The following USP54 variants were observed in gnomAD, a reference collection of about 807,000 sequenced individuals.
USP54 encodes ubiquitin carboxyl-terminal hydrolase 54.
In USP54, 87 loss-of-function variants were observed where a neutral mutation model predicts 170.5. The ratio of observed to expected loss-of-function variants is 0.51; its 90% confidence interval spans 0.43 to 0.61. The LOEUF (loss-of-function observed/expected upper bound fraction) is 0.61, where lower values mean the gene tolerates loss of function less well. USP54 is among the 20% of genes least tolerant of loss of function. USP54 has a pLI of 0.00. For synonymous variants in USP54, 655 were observed against 742.8 expected (o/e 0.88, Z 1.92); for missense variants, 1,786 against 2,047.8 (o/e 0.87, Z 2.47).
At chr10:73,599,927 G>C (rs2079036208) in intron 1 of USP54, among the ~76,000 whole-genome samples, 1 of 138,638 alleles carries the variant, frequency 7.2e-6, no homozygotes, top group African/African-American at 2.7e-5. Context: ...TTGAGATAGA[G>C]TTTCGCTCTT....
rs1348579083 is a variant in USP54, at chr10:73,536,257, C to T, written c.1144+12G>A. The T allele has an allele frequency of 6.2e-7, 1 of 1,613,712 alleles. No individual in the cohort carries two copies. Among genetic ancestry groups the T allele is most frequent in the Admixed American group, 1.7e-5 (1 of 59,908 alleles). ...TGAGGAGAGAGGAGAGGTAAAGAGCCTGGCTGCTCACCTGAATCTTCACTG... is the reference window on the plus strand; with the variant it reads ...TGAGGAGAGAGGAGAGGTAAAGAGCTTGGCTGCTCACCTGAATCTTCACTG... On this transcript the variant is annotated intron_variant, in intron 11 of 23. Coordinates refer to ENST00000687698, the MANE Select transcript of USP54 (RefSeq NM_001391956.1).
intron 1 of USP54, among the ~76,000 whole-genome samples, chr10:73,602,410 G>A (rs1220613324): frequency 4.0e-5 from 6 of 151,830 alleles, no homozygotes; most frequent in Non-Finnish European, 7.4e-5. Flanking sequence ...AAAATTAGCC[G>A]GGCGTGGTGG....
chr10:73,604,780 C>T (rs1286355528), intron 1 of USP54, among the ~76,000 whole-genome samples: 2 of 151,980 alleles, frequency 1.3e-5, no homozygotes, highest in African/African-American at 2.4e-5. Flanking sequence ...ACTTCAAGAA[C>T]GAAGCCGCAG....
intron 1 of USP54, among the ~76,000 whole-genome samples, chr10:73,600,744 T>A (rs571141595): frequency 1.3e-4 from 20 of 152,076 alleles, no homozygotes; most frequent in Non-Finnish European, 1.9e-4. Context: ...TGAAACCCCA[T>A]CTCTACCAAA....
At chr10:73,573,027 T>C (rs933169456) in intron 3 of USP54, among the ~76,000 whole-genome samples, 1 of 152,194 alleles carries the variant, frequency 6.6e-6, no homozygotes, top group African/African-American at 2.4e-5. Flanking sequence ...CTTATGCCTA[T>C]AATCCCAGCA....
chr10:73,539,719 AT>A lies in USP54; in HGVS notation c.826-127del. The A allele has an allele frequency of 2.7e-6, 3 of 1,098,168 alleles. No homozygotes were observed. In the South Asian group the frequency reaches 7.2e-5, roughly 26 times the overall value. 68.0% of individuals were successfully genotyped at this position (1,098,168 alleles called of 1,614,324 possible). ...TTGCTTCTCTTCCCTTCAGTTTAAG[AT>A]TTTTGTTAGTTTAGATTAATCATCA... is the stretch of plus-strand genomic sequence containing the variant. On this transcript the variant is annotated intron_variant, in intron 9 of 23. Coordinates refer to ENST00000687698, the MANE Select transcript of USP54 (RefSeq NM_001391956.1).
chr10:73,619,360 T>A (rs1488522057), intron 1 of USP54, among the ~76,000 whole-genome samples: 4 of 149,900 alleles, frequency 2.7e-5, no homozygotes, highest in Non-Finnish European at 4.4e-5. Flanking sequence ...CCTACGTAGC[T>A]GGGGTTACAG....
rs938873058 is a variant in USP54, at chr10:73,517,194, C to T, written c.3232G>A (p.Val1078Ile). The change falls in exon 20 of 24, where the codon GTT becomes ATT. Residue 1078 changes from valine (V) to isoleucine (I), a missense_variant. By Grantham distance (29) the Val-to-Ile change is conservative. Around this residue, in one of 3 missense-constraint regions of USP54, gnomAD observed 1,418 missense variants for 1,569.0 expected, o/e 0.90. Coordinates refer to ENST00000687698, the MANE Select transcript of USP54 (RefSeq NM_001391956.1). ...CAGTGAAGCACAAATGAAGAAGCAACAGGCATTATGGGGTGGCAGGTTCTA... is the reference window on the plus strand; with the variant it reads ...CAGTGAAGCACAAATGAAGAAGCAATAGGCATTATGGGGTGGCAGGTTCTA... ...LYRTCHPIMP[V>I]ASSFVLHCPD... 5.0e-6 allele frequency: 8 copies of T among 1,614,218 alleles called. No homozygotes were observed. The highest frequency in any genetic ancestry group is 6.8e-6 in the Non-Finnish European group (8 of 1,180,046).
At chr10:73,605,948 C>A (rs1006994543) in intron 1 of USP54, among the ~76,000 whole-genome samples, 1 of 151,744 alleles carries the variant, frequency 6.6e-6, no homozygotes, top group Non-Finnish European at 1.5e-5. Context: ...GAGGCCAAGG[C>A]GGGTGGATCA....
At chr10:73,557,391 G>T (rs1273071777) in intron 4 of USP54, among the ~76,000 whole-genome samples, 1 of 151,314 alleles carries the variant, frequency 6.6e-6, no homozygotes, top group Non-Finnish European at 1.5e-5. Context: ...GCGCAATCTC[G>T]CTCACTGCAA....
chr10:73,501,331 G>A (rs192690289), intron 22 of USP54, among the ~76,000 whole-genome samples: 2 of 152,208 alleles, frequency 1.3e-5, no homozygotes, highest in Non-Finnish European at 2.9e-5. Flanking sequence ...TCTTTTGCCT[G>A]TCAAGTTTGT....
chr10:73,598,129 T>C (rs138058265), intron 1 of USP54, among the ~76,000 whole-genome samples: 1 of 152,230 alleles, frequency 6.6e-6, no homozygotes, highest in Non-Finnish European at 1.5e-5. Flanking sequence ...GTGGAAGAAA[T>C]GAACAGAATT....
chr10:73,542,152 G>T (rs2066746327), intron 7 of USP54, among the ~76,000 whole-genome samples: 1 of 152,188 alleles, frequency 6.6e-6, no homozygotes. Flanking sequence ...TGGCTGGAGT[G>T]CAGGGGCTCA....
chr10:73,536,748 G>A (rs961206906), intron 10 of USP54, among the ~76,000 whole-genome samples: 2 of 152,136 alleles, frequency 1.3e-5, no homozygotes, highest in African/African-American at 2.4e-5. Flanking sequence ...GATATGCTAC[G>A]TGAGGGAACT....
chr10:73,533,940 C>T (rs979855590), intron 12 of USP54, among the ~76,000 whole-genome samples: 6 of 152,190 alleles, frequency 3.9e-5, no homozygotes, highest in African/African-American at 1.2e-4. Context: ...GGCATGAGAA[C>T]ATGATGATGT....
chr10:73,589,938 T>C (rs1445014076), intron 1 of USP54, among the ~76,000 whole-genome samples: 1 of 152,236 alleles, frequency 6.6e-6, no homozygotes, highest in Non-Finnish European at 1.5e-5. Context: ...CTTCACACTT[T>C]GAGCCAGTTC....
rs555775419 is a variant in USP54, at chr10:73,509,271, AT to A, written c.4052-3846del. Among the ~76,000 whole-genome samples the A allele has an allele frequency of 7.7e-3, 1,167 of 151,782 alleles. 5 individuals carry two copies. Among genetic ancestry groups the A allele is most frequent in the Admixed American group, 0.011 (173 of 15,250 alleles). On this transcript the variant is annotated intron_variant, in intron 20 of 23. Transcript: ENST00000687698. ...GTATTATATTAAGAGATTATTGTTAATTTTTTAGGTATAATAATATTATTGG... is the reference window on the plus strand; with the variant it reads ...GTATTATATTAAGAGATTATTGTTAATTTTTAGGTATAATAATATTATTGG...
intron 1 of USP54, among the ~76,000 whole-genome samples, chr10:73,598,536 G>A (rs1391978728): frequency 1.3e-5 from 2 of 152,140 alleles, no homozygotes; most frequent in Non-Finnish European, 2.9e-5. Context: ...CAGCATTTTG[G>A]GAGGCCGAGA....
chr10:73,569,494 G>T (rs1348016336), intron 4 of USP54, among the ~76,000 whole-genome samples: 1 of 152,038 alleles, frequency 6.6e-6, no homozygotes, highest in African/African-American at 2.4e-5. Flanking sequence ...AAGTTATAAT[G>T]GTTCCAGCTG....
Sources: gnomAD v4.1 joint callset for allele counts (sites outside exome capture counted in the v4.1 genomes callset) on GRCh38, gnomAD v4.1.1 for gene constraint, gnomAD v4.1.1 regional missense constraint, MANE v1.5 for transcripts, NCBI Gene and HGNC (gene_info 2026-07-23, HGNC 2026-07-21) for gene names.